KCNK13: variants seen among roughly 807,000 people sequenced by gnomAD.
The protein encoded by KCNK13 is potassium two pore domain channel subfamily K member 13.
KCNK13 carries 12 observed loss-of-function variants against 23.4 expected under a neutral mutation model. The ratio of observed to expected loss-of-function variants is 0.51; its 90% confidence interval spans 0.33 to 0.83. KCNK13 has a LOEUF of 0.83. Among genes scored for constraint, KCNK13 ranks in the 40% least tolerant of loss-of-function variants. The pLI, the probability that KCNK13 is intolerant of heterozygous loss-of-function variation, is 0.02. For missense variants in KCNK13, 463 were observed against 556.3 expected (o/e 0.83, Z 1.69); for synonymous variants, 231 against 229.5 (o/e 1.01, Z -0.06).
In KCNK13 at chr14:90,159,122, A is replaced by G. The variant is rs539147374; in HGVS notation, c.335-24989A>G. On this transcript the variant is annotated intron_variant, in intron 1 of 1. Transcript: ENST00000282146. The stretch of plus-strand genomic sequence containing the variant: ...TCTTGTTGCATTATCCCTTGGTGGA[A>G]GAGCAAAGAGAGGGTGAGAGAGAGC... Among the ~76,000 whole-genome samples the G allele has an allele frequency of 2.0e-5, 3 of 152,330 alleles. No individual in the cohort carries two copies. The East Asian group carries it at 5.8e-4, about 29-fold the overall frequency.
chr14:90,092,124 A>T (rs181904857), intron 1 of KCNK13, among the ~76,000 whole-genome samples: 4 of 152,050 alleles, frequency 2.6e-5, no homozygotes, highest in African/African-American at 7.2e-5. Flanking sequence ...GGGTTTCACC[A>T]TGTTAGCCAG....
intron 1 of KCNK13, among the ~76,000 whole-genome samples, chr14:90,085,715 T>A (rs1216662873): frequency 1.4e-5 from 2 of 139,406 alleles, no homozygotes; most frequent in Non-Finnish European, 3.0e-5. Flanking sequence ...ATATTATATA[T>A]ACTTATATAT....
chr14:90,077,408 A>G (rs1210126551), intron 1 of KCNK13, among the ~76,000 whole-genome samples: 1 of 152,214 alleles, frequency 6.6e-6, no homozygotes, highest in Admixed American at 6.5e-5. Flanking sequence ...GGTGTGAGCC[A>G]CCATGCCCGG....
chr14:90,066,998 C>T (rs1192572072), intron 1 of KCNK13, among the ~76,000 whole-genome samples: 2 of 152,198 alleles, frequency 1.3e-5, no homozygotes, highest in African/African-American at 2.4e-5. Context: ...TGGCCAAGCA[C>T]GGTGGCTCAT....
chr14:90,169,614 G>C (rs1890341922), intron 1 of KCNK13, among the ~76,000 whole-genome samples: 1 of 152,160 alleles, frequency 6.6e-6, no homozygotes, highest in Non-Finnish European at 1.5e-5. Context: ...ATTTTCTTTA[G>C]GATATTCATA....
intron 1 of KCNK13, among the ~76,000 whole-genome samples, chr14:90,071,703 T>C (rs889740951): frequency 1.3e-5 from 2 of 152,016 alleles, no homozygotes; most frequent in Non-Finnish European, 2.9e-5. Flanking sequence ...TCAAGACCAT[T>C]GTGGCCAACA....
intron 1 of KCNK13, among the ~76,000 whole-genome samples, chr14:90,092,912 C>CCAAAAAA (rs1889365821): frequency 1.3e-5 from 1 of 78,296 alleles, no homozygotes; most frequent in African/African-American, 4.7e-5. Context: ...ACCCTGTCTC[C>CCAAAAAA]AAAAAAAAAA....
rs1888955129 is a variant in KCNK13, at chr14:90,062,400, C to A, written c.195C>A (p.Asn65Lys). The A allele has an allele frequency of 6.5e-7, 1 of 1,548,558 alleles. No homozygotes were observed. The highest frequency in any genetic ancestry group is 1.4e-5 in the African/African-American group (1 of 72,830). ...ERLANFSRGH[N>K]LSRDELRGFL... ...TGGCCAACTTCAGCCGCGGCCACAACCTGAGCCGCGACGAGCTGCGCGGCT... is the reference window on the plus strand; with the variant it reads ...TGGCCAACTTCAGCCGCGGCCACAAACTGAGCCGCGACGAGCTGCGCGGCT... The change falls in exon 1 of 2, where the codon AAC becomes AAA. Residue 65 changes from asparagine (N) to lysine (K), a missense_variant. Around this residue, in one of 3 missense-constraint regions of KCNK13, gnomAD observed 153 missense variants for 153.6 expected, o/e 1.00. Transcript: ENST00000282146. The surrounding 1 kb of genome is among the most constrained non-coding windows in gnomAD (Gnocchi z 4.5).
chr14:90,071,947 T>C (rs898630551), intron 1 of KCNK13, among the ~76,000 whole-genome samples: 2 of 151,400 alleles, frequency 1.3e-5, no homozygotes, highest in Non-Finnish European at 2.9e-5. Flanking sequence ...ATGGTGATCA[T>C]TAATTAAAGT....
At chr14:90,166,608 A>G (rs962449467) in intron 1 of KCNK13, among the ~76,000 whole-genome samples, 1 of 151,816 alleles carries the variant, frequency 6.6e-6, no homozygotes, top group Admixed American at 6.6e-5. Context: ...TGGGAGGCTG[A>G]GGCAGGAGAA....
chr14:90,107,893 C>CT, intron 1 of KCNK13: 1 of 780,804 alleles, frequency 1.3e-6, no homozygotes, highest in East Asian at 2.5e-5. Context: ...GGCCTTGAGT[C>CT]TTTATCAGTA....
intron 1 of KCNK13, among the ~76,000 whole-genome samples, chr14:90,104,054 C>T (rs61996868): frequency 6.6e-6 from 1 of 152,128 alleles, no homozygotes; most frequent in African/African-American, 2.4e-5. Flanking sequence ...TCTTCACATT[C>T]CTGTTGGGCA....
chr14:90,098,638 G>A (rs1889438753), intron 1 of KCNK13, among the ~76,000 whole-genome samples: 2 of 151,194 alleles, frequency 1.3e-5, no homozygotes, highest in Admixed American at 6.6e-5. Context: ...GGGCGACAGA[G>A]TGAGACTCGG....
In KCNK13 at chr14:90,184,976, G is replaced by T; in HGVS notation, c.1200G>T (p.Arg400Ser). ...GVGAFAIMNN[R>S]LAETSGDR ...GAGCCTTTGCAATCATGAACAACAG[G>T]TTGGCAGAGACCAGTGGGGACAGGT... Residue 400 changes from arginine (R) to serine (S), a missense_variant, in exon 2 of 2, where the codon AGG becomes AGT. Arg to Ser is a moderately radical substitution (Grantham distance 110). Coordinates refer to ENST00000282146, the MANE Select transcript of KCNK13 (RefSeq NM_022054.4). This position sits in a 1 kb window ranked among gnomAD's most constrained non-coding sequence, Gnocchi z 5.6. 6.2e-7 allele frequency: 1 copy of T among 1,602,674 alleles called. No individual in the cohort carries two copies. Among genetic ancestry groups the T allele is most frequent in the Non-Finnish European group, 8.5e-7 (1 of 1,173,650 alleles).
intron 1 of KCNK13, among the ~76,000 whole-genome samples, chr14:90,155,930 G>A (rs915241029): frequency 5.3e-5 from 8 of 152,148 alleles, no homozygotes; most frequent in Admixed American, 4.6e-4. Context: ...CAGGCCAGGT[G>A]TGGTGGCTCA....
intron 1 of KCNK13, among the ~76,000 whole-genome samples, chr14:90,137,918 C>T (rs942702866): frequency 6.6e-6 from 1 of 152,130 alleles, no homozygotes; most frequent in Non-Finnish European, 1.5e-5. Flanking sequence ...CAGCTTTTAG[C>T]GTGAAGACAG....
intron 1 of KCNK13, among the ~76,000 whole-genome samples, chr14:90,112,120 A>G (rs993839137): frequency 2.6e-5 from 4 of 152,144 alleles, no homozygotes; most frequent in Non-Finnish European, 4.4e-5. Flanking sequence ...TCAGCCAAAC[A>G]TCCTGCTCTG....
intron 1 of KCNK13, among the ~76,000 whole-genome samples, chr14:90,103,447 T>C (rs2140407822): frequency 6.6e-6 from 1 of 152,242 alleles, no homozygotes; most frequent in South Asian, 2.1e-4. Context: ...ATCTGTGGGA[T>C]TTTAAGGGCA....
At position 90,062,123 on chromosome 14, in the gene KCNK13, G is replaced by A; in HGVS notation, c.-83G>A. The A allele has an allele frequency of 2.2e-6, 2 of 916,796 alleles. No homozygotes were observed. Among genetic ancestry groups the A allele is most frequent in the South Asian group, 6.1e-5 (2 of 32,548 alleles). 56.8% of individuals were successfully genotyped at this position (916,796 alleles called of 1,614,324 possible). A position where few individuals can be genotyped will look rare whatever the true frequency, so the allele number is the denominator to read the frequency against. Reference sequence around the variant, plus strand: ...CGCCCGGGAGCTGGCTGAGCGCCGGGGCCCTTATTTCCCGGGGGTGTGGGC... The same window carrying A: ...CGCCCGGGAGCTGGCTGAGCGCCGGAGCCCTTATTTCCCGGGGGTGTGGGC... On this transcript the variant is annotated 5_prime_UTR_variant, in exon 1 of 2. Transcript: ENST00000282146. This position sits in a 1 kb window ranked among gnomAD's most constrained non-coding sequence, Gnocchi z 4.5.
Sources: allele counts gnomAD v4.1 joint callset (sites outside exome capture counted in the v4.1 genomes callset), GRCh38; gene constraint gnomAD v4.1.1; regional missense constraint gnomAD v4.1.1; non-coding constraint Gnocchi (gnomAD v3.1); transcripts MANE v1.5; gene names NCBI Gene and HGNC (gene_info 2026-07-23, HGNC 2026-07-21).